Variants in ADCY2 observed in about 807,000 individuals in gnomAD.
ADCY2 encodes adenylate cyclase 2.
Under a neutral mutation model 125.2 loss-of-function variants are expected in ADCY2, and 31 were observed. The ratio of observed to expected loss-of-function variants is 0.25; its 90% confidence interval spans 0.19 to 0.33. The LOEUF is 0.33. ADCY2 is among the 10% of genes least tolerant of loss of function. ADCY2 has a pLI of 1.00. For synonymous variants in ADCY2, 512 were observed against 548.4 expected (o/e 0.93, Z 0.93); for missense variants, 904 against 1,418.2 (o/e 0.64, Z 5.82).
chr5:7,563,801 A>G (rs558918229), intron 3 of ADCY2, among the ~76,000 whole-genome samples: 1 of 152,246 alleles, frequency 6.6e-6, no homozygotes, highest in Admixed American at 6.5e-5. Context: ...TTCATGTCCT[A>G]AGGTTTAGAG....
At chr5:7,624,193 A>G (rs758151721) in intron 3 of ADCY2, among the ~76,000 whole-genome samples, 5 of 152,042 alleles carry the variant, frequency 3.3e-5, no homozygotes, top group Non-Finnish European at 5.9e-5. Flanking sequence ...TGTATCCCAA[A>G]CATTTATTTT....
chr5:7,612,924 G>C (rs1315551974), intron 3 of ADCY2, among the ~76,000 whole-genome samples: 2 of 152,130 alleles, frequency 1.3e-5, no homozygotes, highest in Non-Finnish European at 2.9e-5. Flanking sequence ...GCTGAGGTAG[G>C]AGAATGGCGT....
chr5:7,413,618 G>C (rs1373601534), intron 1 of ADCY2, among the ~76,000 whole-genome samples: 1 of 149,758 alleles, frequency 6.7e-6, no homozygotes. Flanking sequence ...TTTAATAGAA[G>C]TGTCTGTGGA....
In ADCY2 at chr5:7,481,522, C is replaced by G. The variant is rs571138317; in HGVS notation, c.409-39216C>G. ...GACCTCATGATCCGCTTGCCTCGGC[C>G]TCCCAAAGTGCTGGGATTACAGGCG... On this transcript the variant is annotated intron_variant, in intron 2 of 24. Transcript: ENST00000338316. 4.9e-4 allele frequency among the ~76,000 whole-genome samples: 74 copies of G among 151,648 alleles called. 2 individuals are homozygous for G. In the Middle Eastern group the frequency reaches 0.014, roughly 28 times the overall value.
At chr5:7,664,323 G>C (rs940126729) in intron 4 of ADCY2, among the ~76,000 whole-genome samples, 1 of 152,042 alleles carries the variant, frequency 6.6e-6, no homozygotes, top group Non-Finnish European at 1.5e-5. Flanking sequence ...CAACTGTAAA[G>C]AACTATTCGT....
chr5:7,525,077 G>C (rs1466104279), intron 3 of ADCY2, among the ~76,000 whole-genome samples: 1 of 151,978 alleles, frequency 6.6e-6, no homozygotes, highest in Non-Finnish European at 1.5e-5. Context: ...ATCTCGGCCT[G>C]CTGCAACCTC....
rs146100262 is a variant in ADCY2, at chr5:7,449,404, T to C, written c.408+34634T>C. On this transcript the variant is annotated intron_variant, in intron 2 of 24. Transcript: ENST00000338316. ...TCAGTGTATTCTGTACTATTTTTGA[T>C]ACTGGGGTGAACAAAAGAGCACCTC... is the stretch of plus-strand genomic sequence containing the variant. Among the ~76,000 whole-genome samples, 300 of 152,324 alleles carry C rather than the reference T, an allele frequency of 2.0e-3. 3 individuals are homozygous for C. Among genetic ancestry groups the C allele is most frequent in the African/African-American group, 6.7e-3 (280 of 41,586 alleles).
intron 4 of ADCY2, chr5:7,654,183 G>A (rs989811661): frequency 2.4e-5 from 11 of 454,678 alleles, no homozygotes; most frequent in African/African-American, 1.6e-4. Context: ...CGCATCCAGC[G>A]AGAGGAAAGC....
At chr5:7,559,573 G>T (rs1735640871) in intron 3 of ADCY2, among the ~76,000 whole-genome samples, 1 of 152,078 alleles carries the variant, frequency 6.6e-6, no homozygotes, top group Admixed American at 6.5e-5. Flanking sequence ...AGAAGCTTTT[G>T]GACTGAGTCT....
rs373864420 is a variant in ADCY2 at position 7,821,737 on chromosome 5, C to A, written c.3123+1048C>A. Among the ~76,000 whole-genome samples, 18 of 152,290 alleles carry A rather than the reference C, an allele frequency of 1.2e-4. No individual in the cohort carries two copies. In the East Asian group the frequency reaches 3.5e-3, roughly 29 times the overall value. ...GGCTCTGGAGAACTCGATTTTCAGA[C>A]GACAGGCTGTGTGAGTAAGAAAGGT... is the stretch of plus-strand genomic sequence containing the variant. On this transcript the variant is annotated intron_variant, in intron 24 of 24. Transcript: ENST00000338316.
chr5:7,602,047 G>T (rs1404506469), intron 3 of ADCY2, among the ~76,000 whole-genome samples: 1 of 152,128 alleles, frequency 6.6e-6, no homozygotes, highest in Admixed American at 6.6e-5. Flanking sequence ...ACCTCTGTCT[G>T]TATCTTCACA....
In ADCY2 at chr5:7,707,873, G is replaced by A. The variant is rs139997424; in HGVS notation, c.1401+35G>A. 4.1e-4 allele frequency: 654 copies of A among 1,595,666 alleles called. 4 individuals are homozygous for A. The African/African-American group carries it at 7.9e-3, about 19-fold the overall frequency. ...ATTGTAAAGAGTCTATGATGAAAAG[G>A]GAGGAGGAGCAAATTATTGATATTC... On this transcript the variant is annotated intron_variant, in intron 9 of 24. Coordinates refer to ENST00000338316, the MANE Select transcript of ADCY2 (RefSeq NM_020546.3).
intron 14 of ADCY2, among the ~76,000 whole-genome samples, chr5:7,733,132 C>T (rs995548570): frequency 1.2e-4 from 18 of 152,070 alleles, no homozygotes; most frequent in African/African-American, 4.1e-4. Flanking sequence ...TTTTTTCTAG[C>T]ACAATTTAGG....
At chr5:7,600,163 T>C (rs751090795) in intron 3 of ADCY2, among the ~76,000 whole-genome samples, 7 of 152,180 alleles carry the variant, frequency 4.6e-5, no homozygotes, top group Non-Finnish European at 7.3e-5. Flanking sequence ...AACTGACTTC[T>C]CTTTCAAGAA....
intron 2 of ADCY2, among the ~76,000 whole-genome samples, chr5:7,455,649 A>G (rs2126428368): frequency 6.8e-6 from 1 of 147,858 alleles, no homozygotes; most frequent in South Asian, 2.1e-4. Context: ...TACTGTATAT[A>G]TTATATAACA....
intron 3 of ADCY2, among the ~76,000 whole-genome samples, chr5:7,589,506 G>GAAAAGAAAAGAAAAGAAAAGAAAAGA (rs68115969): frequency 3.9e-4 from 37 of 93,888 alleles, no homozygotes; most frequent in African/African-American, 1.3e-3. Context: ...AAGAAAGAAA[G>GAAAAGAAAAGAAAAGAAAAGAAAAGA]AAAGAAAAGA....
chr5:7,644,506 A>G (rs1287947308), intron 4 of ADCY2, among the ~76,000 whole-genome samples: 1 of 152,148 alleles, frequency 6.6e-6, no homozygotes, highest in African/African-American at 2.4e-5. Context: ...TTAGCCCATC[A>G]TACATTTTTA....
intron 2 of ADCY2, among the ~76,000 whole-genome samples, chr5:7,433,541 G>A (rs1300304578): frequency 1.3e-5 from 2 of 151,746 alleles, no homozygotes; most frequent in African/African-American, 4.8e-5. Flanking sequence ...CGTAGCCAAA[G>A]AATGAAATAT....
chr5:7,625,065 A>G (rs1052633296), intron 3 of ADCY2, among the ~76,000 whole-genome samples: 4 of 152,394 alleles, frequency 2.6e-5, no homozygotes, highest in Non-Finnish European at 5.9e-5. Flanking sequence ...ATACATATCA[A>G]TAACTTAAAA....
Sources: gnomAD v4.1 joint callset for allele counts (sites outside exome capture counted in the v4.1 genomes callset) on GRCh38, gnomAD v4.1.1 for gene constraint, MANE v1.5 for transcripts, NCBI Gene and HGNC (gene_info 2026-07-23, HGNC 2026-07-21) for gene names.